Variants in HNRNPUL1 observed in about 807,000 individuals in gnomAD.
HNRNPUL1 encodes heterogeneous nuclear ribonucleoprotein U-like protein 1.
In HNRNPUL1, 14 loss-of-function variants were observed where a neutral mutation model predicts 108.5. The ratio of observed to expected loss-of-function variants is 0.13; its 90% confidence interval spans 0.09 to 0.20. HNRNPUL1 has a LOEUF of 0.20. HNRNPUL1 is among the 10% of genes least tolerant of loss of function. The pLI is 1.00. For synonymous variants in HNRNPUL1, 422 were observed against 445.2 expected, an observed-to-expected ratio of 0.95 and a Z score of 0.66; for missense variants, 804 against 1,168.3, an observed-to-expected ratio of 0.69 and a Z score of 4.55.
At position 41,302,770 on chromosome 19, in the gene HNRNPUL1, G is replaced by T. The variant is rs2037305153; in HGVS notation, c.1793G>T (p.Gly598Val). ...CTAGTGAGGCAGTACAACGAGGAAG[G>T]CCGCAAGGCTGGGCCACCCCCTGAA... ...DKLVRQYNEEGRKAGPPPEKR... is the reference protein window; with the variant it reads ...DKLVRQYNEEVRKAGPPPEKR... Residue 598 changes from glycine to valine, a missense_variant, in exon 12 of 15, where the codon GGC becomes GTC. Coordinates refer to ENST00000392006, the MANE Select transcript of HNRNPUL1 (RefSeq NM_007040.6). The T allele has an allele frequency of 6.2e-7, 1 of 1,613,536 alleles. No individual in the cohort carries two copies. Among genetic ancestry groups the T allele is most frequent in the Non-Finnish European group, 8.5e-7 (1 of 1,179,604 alleles).
chr19:41,304,636 A>C (rs775334030), intron 13 of HNRNPUL1, among the ~76,000 whole-genome samples: 18 of 152,146 alleles, frequency 1.2e-4, no homozygotes, highest in Non-Finnish European at 1.5e-4. Context: ...AGGCTGGCTG[A>C]CCTCTTTGTC....
intron 2 of HNRNPUL1, among the ~76,000 whole-genome samples, chr19:41,270,130 C>T (rs943814027): frequency 3.9e-5 from 6 of 152,148 alleles, no homozygotes; most frequent in Non-Finnish European, 1.5e-5. Context: ...TTTCAGGCGC[C>T]TGCCACCACA....
In HNRNPUL1 at chr19:41,302,648, C is replaced by T; in HGVS notation, c.1688-17C>T. 3 of 1,614,146 alleles carry T rather than the reference C, an allele frequency of 1.9e-6. No individual in the cohort carries two copies. Among genetic ancestry groups the T allele is most frequent in the Non-Finnish European group, 2.5e-6 (3 of 1,180,018 alleles). On this transcript the variant is annotated splice_polypyrimidine_tract_variant and intron_variant, in intron 11 of 14. Transcript: ENST00000392006. The stretch of plus-strand genomic sequence containing the variant: ...CCTCTTCTTCTTGTTCTCTTTGGGG[C>T]ACTTCCTTCCTCCTAGCCAACTTCA...
At chr19:41,285,131 T>C (rs573899621) in intron 7 of HNRNPUL1, among the ~76,000 whole-genome samples, 1 of 152,204 alleles carries the variant, frequency 6.6e-6, no homozygotes, top group South Asian at 2.1e-4. Context: ...AAGGATGGTT[T>C]AATAACTTTA....
chr19:41,301,050 G>A (rs1258505507), intron 10 of HNRNPUL1, among the ~76,000 whole-genome samples: 1 of 152,200 alleles, frequency 6.6e-6, no homozygotes, highest in Non-Finnish European at 1.5e-5. Flanking sequence ...AGCCTCAGGA[G>A]GATGTGCATA....
At chr19:41,276,483 G>A (rs1003462380) in intron 5 of HNRNPUL1, 185 bp downstream of exon 5, 1 of 575,816 alleles carries the variant, frequency 1.7e-6, no homozygotes, top group Non-Finnish European at 2.8e-6. Context: ...TATCAGAAAA[G>A]CAGGCCAACC....
At position 41,279,006 on chromosome 19, in the gene HNRNPUL1, C is replaced by T. The variant is rs1458470088; in HGVS notation, c.787-71C>T. On this transcript the variant is annotated intron_variant, in intron 5 of 14. Transcript: ENST00000392006. Reference sequence around the variant, plus strand: ...TATTTTTTAATGCCTGATATGCTTCCCTCCTATATTGGCTCATAACCTACG... The same window carrying T: ...TATTTTTTAATGCCTGATATGCTTCTCTCCTATATTGGCTCATAACCTACG... 9.0e-6 allele frequency: 9 copies of T among 1,002,936 alleles called. No individual in the cohort carries two copies. In the East Asian group the frequency reaches 1.7e-4, roughly 19 times the overall value. 62.1% of individuals were successfully genotyped at this position (1,002,936 alleles called of 1,614,324 possible).
In HNRNPUL1 at chr19:41,272,237, T is replaced by TGGGTGTATGAGGC. The variant is rs1319036886; in HGVS notation, c.572+3_572+15dup. 6.2e-7 allele frequency: 1 copy of TGGGTGTATGAGGC among 1,610,348 alleles called. No homozygotes were observed. Among genetic ancestry groups the TGGGTGTATGAGGC allele is most frequent in the Non-Finnish European group, 8.5e-7 (1 of 1,178,856 alleles). On this transcript the variant is annotated splice_region_variant and intron_variant, in intron 3 of 14. Transcript: ENST00000392006. ...CTTTGAGCACCGAGAGGATAGGAGG[T>TGGGTGTATGAGGC]GGGTGTATGAGGCAGCAGTCACCCT...
rs2035551474 is a variant in HNRNPUL1, at chr19:41,276,283, A to G, written c.771A>G (p.Val257=). The change falls in exon 5 of 15, where the codon GTA becomes GTG. Residue 257 remains valine, a synonymous_variant. Transcript: ENST00000392006. ...RASYGVRRGR[V]CFEMKINEEI... Reference sequence around the variant, plus strand: ...GCTATGGGGTCAGAAGGGGCCGTGTATGCTTCGAGATGAAGGTGAGTAGGA... The same window carrying G: ...GCTATGGGGTCAGAAGGGGCCGTGTGTGCTTCGAGATGAAGGTGAGTAGGA... 7 of 1,606,486 alleles carry G rather than the reference A, an allele frequency of 4.4e-6. No homozygotes were observed. The highest frequency in any genetic ancestry group is 2.2e-5 in the South Asian group (2 of 90,714).
intron 12 of HNRNPUL1, 61 bp from the exon 13 acceptor site, chr19:41,303,911 A>T (rs1168838493): frequency 6.4e-7 from 1 of 1,557,482 alleles, no homozygotes; most frequent in East Asian, 2.3e-5. Context: ...AAGACAACCC[A>T]GTTCCCTGGG....
chr19:41,276,250 C>T lies in HNRNPUL1; in HGVS notation c.738C>T (p.Ala246=), dbSNP rs1214747112. 8.7e-6 allele frequency: 14 copies of T among 1,613,190 alleles called. No homozygotes were observed. The Admixed American group carries it at 2.3e-4, about 27-fold the overall frequency. ...IEGFAYLWSG[A]RASYGVRRGR... is the part of the protein sequence containing the mutation. ...GCTTTGCATACCTGTGGTCAGGAGC[C>T]CGTGCCAGCTATGGGGTCAGAAGGG... The change falls in exon 5 of 15, where the codon GCC becomes GCT. Residue 246 remains alanine (A), a synonymous_variant. Coordinates refer to ENST00000392006, the MANE Select transcript of HNRNPUL1 (RefSeq NM_007040.6).
intron 5 of HNRNPUL1, among the ~76,000 whole-genome samples, chr19:41,277,527 A>G (rs982750501): frequency 6.6e-5 from 10 of 152,130 alleles, no homozygotes; most frequent in African/African-American, 2.2e-4. Context: ...TGTTTTTGAG[A>G]TGGAGTTTCA....
chr19:41,287,289 C>T (rs1253914241), intron 7 of HNRNPUL1, among the ~76,000 whole-genome samples: 2 of 152,088 alleles, frequency 1.3e-5, no homozygotes, highest in Non-Finnish European at 2.9e-5. Context: ...GCTAGGATTA[C>T]AGGTGTGAGC....
chr19:41,281,111 G>A, intron 6 of HNRNPUL1, 52 bp from the exon 7 acceptor site: 2 of 1,112,044 alleles, frequency 1.8e-6, no homozygotes, highest in Non-Finnish European at 2.8e-6. Flanking sequence ...AGCCATTGAG[G>A]CTGTTATGAC....
chr19:41,291,027 C>G (rs936647891), intron 7 of HNRNPUL1, among the ~76,000 whole-genome samples: 2 of 152,194 alleles, frequency 1.3e-5, no homozygotes, highest in Admixed American at 6.5e-5. Flanking sequence ...GCCTGGGCAA[C>G]AAGAGTGAAA....
At chr19:41,279,973 C>T (rs1023167052) in intron 6 of HNRNPUL1, among the ~76,000 whole-genome samples, 4 of 152,174 alleles carry the variant, frequency 2.6e-5, no homozygotes, top group African/African-American at 9.7e-5. Context: ...AGCTTTTTGA[C>T]TACTGCATAA....
chr19:41,268,399 C>G lies in HNRNPUL1; in HGVS notation c.418+54C>G, dbSNP rs935875993. 22 of 1,578,880 alleles carry G rather than the reference C, an allele frequency of 1.4e-5. No homozygotes were observed. The African/African-American group carries it at 2.9e-4, about 21-fold the overall frequency. Reference sequence around the variant, plus strand: ...TGGATGGAAACAATCTACATGGAGCCTTTACCCCCTGCTTAGAGCGGGTCT... The same window carrying G: ...TGGATGGAAACAATCTACATGGAGCGTTTACCCCCTGCTTAGAGCGGGTCT... On this transcript the variant is annotated intron_variant, in intron 2 of 14. Coordinates refer to ENST00000392006, the MANE Select transcript of HNRNPUL1 (RefSeq NM_007040.6).
At chr19:41,276,370 T>A (rs747132376) in intron 5 of HNRNPUL1, 72 bp downstream of exon 5, 2 of 1,497,520 alleles carry the variant, frequency 1.3e-6, no homozygotes, top group African/African-American at 2.8e-5. Context: ...CCAGCCACCT[T>A]GGTCAGAGCT....
rs117094523 is a variant in HNRNPUL1 at position 41,285,853 on chromosome 19, C to A, written c.999+4578C>A. Among the ~76,000 whole-genome samples the A allele has an allele frequency of 2.7e-3, 407 of 152,244 alleles. 1 individual carries two copies. In the East Asian group the frequency reaches 0.039, roughly 14 times the overall value. ...CAACCCCCATGCGGTCAAAAATCCA[C>A]GTATAGTTTTTGACTCCCAAAAACT... On this transcript the variant is annotated intron_variant, in intron 7 of 14. Transcript: ENST00000392006.
Sources: gnomAD v4.1 joint callset for allele counts (sites outside exome capture counted in the v4.1 genomes callset) on GRCh38, gnomAD v4.1.1 for gene constraint, MANE v1.5 for transcripts, NCBI Gene and HGNC (gene_info 2026-07-23, HGNC 2026-07-21) for gene names.